Variants in TNRC6B observed in about 807,000 individuals in gnomAD.
The protein encoded by TNRC6B is trinucleotide repeat-containing gene 6B protein.
Under a neutral mutation model 203.6 loss-of-function variants are expected in TNRC6B, and 52 were observed. The ratio of observed to expected loss-of-function variants is 0.26; its 90% CI spans 0.20 to 0.32. The LOEUF (loss-of-function observed/expected upper bound fraction) is 0.32, where lower values mean the gene tolerates loss of function less well. Ranked by LOEUF, TNRC6B falls within the 10% of genes least tolerant of loss-of-function variation. The probability of loss-of-function intolerance (pLI) is 1.00; values close to 1 mark genes in which losing one functional copy is unlikely to be tolerated. For missense variants in TNRC6B, 1,923 were observed against 2,286.2 expected, an observed-to-expected ratio of 0.84 and a Z score of 3.24; for synonymous variants, 838 against 845.7, an observed-to-expected ratio of 0.99 and a Z score of 0.16.
intron 1 of TNRC6B, among the ~76,000 whole-genome samples, chr22:40,095,117 C>T (rs1345897021): frequency 6.6e-6 from 1 of 152,184 alleles, no homozygotes; most frequent in African/African-American, 2.4e-5. Context: ...AAGTTGACTA[C>T]TCATTCAGTT....
At chr22:40,309,020 G>A (rs968894229) in intron 16 of TNRC6B, among the ~76,000 whole-genome samples, 4 of 152,106 alleles carry the variant, frequency 2.6e-5, no homozygotes, top group Non-Finnish European at 4.4e-5. Context: ...TAAATTTATC[G>A]GCTTTAAAAA....
intron 3 of TNRC6B, among the ~76,000 whole-genome samples, chr22:40,141,982 G>A (rs2068648355): frequency 6.6e-6 from 1 of 151,456 alleles, no homozygotes; most frequent in Non-Finnish European, 1.5e-5. Flanking sequence ...GGATGGTCTT[G>A]ATCTCCTGAC....
intron 1 of TNRC6B, among the ~76,000 whole-genome samples, chr22:40,049,744 C>T (rs2067729929): frequency 6.6e-6 from 1 of 152,136 alleles, no homozygotes; most frequent in Admixed American, 6.5e-5. Context: ...GCTGGGATTG[C>T]AGGCGCACAC....
intron 1 of TNRC6B, among the ~76,000 whole-genome samples, chr22:40,221,625 TG>T (rs1398979191): frequency 1.3e-5 from 2 of 151,928 alleles, no homozygotes; most frequent in Admixed American, 1.3e-4. Context: ...TTTGTAGAGA[TG>T]GGGGTTCCGG....
chr22:40,188,951 C>T (rs1364438894), intron 1 of TNRC6B, among the ~76,000 whole-genome samples: 1 of 152,128 alleles, frequency 6.6e-6, no homozygotes, highest in Admixed American at 6.6e-5. Flanking sequence ...TGAGGGTTGT[C>T]TTACCATGGT....
chr22:40,117,449 T>TTTCTACAGTTCACTG lies in TNRC6B; in HGVS notation c.-47+322_-47+323insTCTACAGTTCACTGT, dbSNP rs1231099538. On this transcript the variant is annotated intron_variant, in intron 2 of 23. Coordinates refer to the TNRC6B transcript ENST00000301923. ...TCCCTGCTGCGGTCTGTAGTCCACA[T>TTTCTACAGTTCACTG]TACTGCCAGGGTTCACTTTCTGAAT... Among the ~76,000 whole-genome samples, 153 of 152,342 alleles carry TTTCTACAGTTCACTG rather than the reference T, an allele frequency of 1.0e-3. 1 individual carries two copies. The highest frequency in any genetic ancestry group is 1.5e-3 in the Non-Finnish European group (103 of 68,030).
intron 3 of TNRC6B, among the ~76,000 whole-genome samples, chr22:40,258,804 G>A (rs2070326554): frequency 6.6e-6 from 1 of 152,192 alleles, no homozygotes; most frequent in Admixed American, 6.5e-5. Context: ...CATGATACGT[G>A]ATACCTACCA....
intron 3 of TNRC6B, among the ~76,000 whole-genome samples, chr22:40,260,139 A>G (rs577092338): frequency 6.6e-5 from 10 of 152,370 alleles, no homozygotes; most frequent in Admixed American, 3.9e-4. Flanking sequence ...CAAATGATTT[A>G]AAGTAAACAG....
At chr22:40,229,519 G>C (rs1020215456) in intron 1 of TNRC6B, among the ~76,000 whole-genome samples, 1 of 151,478 alleles carries the variant, frequency 6.6e-6, no homozygotes, top group Non-Finnish European at 1.5e-5. Context: ...TTTACAATGC[G>C]GTAAGTTTCA....
Position 40,324,637 on chromosome 22 carries a change from C to T in TNRC6B, c.*1396C>T, listed in dbSNP as rs1039682413. ...TGTGCCAGGCCGTGGCGCGTTACAGCACCAGGCCATCACTGACAGAAACGT... is the reference window on the plus strand; with the variant it reads ...TGTGCCAGGCCGTGGCGCGTTACAGTACCAGGCCATCACTGACAGAAACGT... On this transcript the variant is annotated 3_prime_UTR_variant, in exon 23 of 23. Coordinates refer to ENST00000454349, the MANE Select transcript of TNRC6B (RefSeq NM_001162501.2). 1.3e-5 allele frequency: 2 copies of T among 152,686 alleles called. No homozygotes were observed. The highest frequency in any genetic ancestry group is 4.8e-5 in the African/African-American group (2 of 41,454). The allele number at this position is 152,686 out of a possible 1,614,324, so 9.5% of individuals were successfully genotyped here.
chr22:40,225,593 C>T lies in TNRC6B; in HGVS notation c.6-20422C>T, dbSNP rs1176675312. On this transcript the variant is annotated intron_variant, in intron 1 of 22. Coordinates refer to ENST00000454349, the MANE Select transcript of TNRC6B (RefSeq NM_001162501.2). Reference sequence around the variant, plus strand: ...AAAAAATTTTTAAAATAAAATAAAACTTAGCCAGGTGTGGCGGCGTGTGCC... The same window carrying T: ...AAAAAATTTTTAAAATAAAATAAAATTTAGCCAGGTGTGGCGGCGTGTGCC... Among the ~76,000 whole-genome samples the T allele has an allele frequency of 4.6e-5, 7 of 151,924 alleles. No individual in the cohort carries two copies. The East Asian group carries it at 1.4e-3, about 29-fold the overall frequency.
rs1569071113 is a variant in TNRC6B, at chr22:40,323,349, GA to G, written c.*114del. The G allele has an allele frequency of 7.3e-7, 1 of 1,377,180 alleles. No homozygotes were observed. The highest frequency in any genetic ancestry group is 9.7e-7 in the Non-Finnish European group (1 of 1,034,414). 85.3% of individuals were successfully genotyped at this position (1,377,180 alleles called of 1,614,324 possible). A position where few individuals can be genotyped will look rare whatever the true frequency, so the allele number is the denominator to read the frequency against. ...CTTGCAATAAATACATTTTTAAAAGGAAAAAAGAAAACGGAGAGAAAAAAAG... is the reference window on the plus strand; with the variant it reads ...CTTGCAATAAATACATTTTTAAAAGGAAAAAGAAAACGGAGAGAAAAAAAG... On this transcript the variant is annotated 3_prime_UTR_variant, in exon 23 of 23. Transcript: ENST00000454349.
At chr22:40,203,688 C>T (rs1039861183) in intron 1 of TNRC6B, among the ~76,000 whole-genome samples, 6 of 150,652 alleles carry the variant, frequency 4.0e-5, no homozygotes, top group Admixed American at 6.6e-5. Flanking sequence ...AGAACAGAAT[C>T]GTGTGGTGAG....
rs2070458524 is a variant in TNRC6B, at chr22:40,265,213, A to G, written c.983A>G (p.Asp328Gly). 3 of 1,614,066 alleles carry G rather than the reference A, an allele frequency of 1.9e-6. No individual in the cohort carries two copies. The highest frequency in any genetic ancestry group is 1.7e-6 in the Non-Finnish European group (2 of 1,179,902). Residue 328 changes from aspartate (D) to glycine (G), a missense_variant, in exon 5 of 23, where the codon GAT becomes GGT. Physicochemically the swap from Asp to Gly is moderately conservative, Grantham distance 94. Transcript: ENST00000454349. ...GTSRKGALET[D>G]NSNSSAQVST... The stretch of plus-strand genomic sequence containing the variant: ...TCTAGGAAAGGGGCATTGGAAACAG[A>G]TAATAGTAATTCCAGTGCACAGGTT...
At chr22:40,113,198 G>T (rs924984414) in intron 1 of TNRC6B, among the ~76,000 whole-genome samples, 19 of 152,218 alleles carry the variant, frequency 1.2e-4, no homozygotes, top group Non-Finnish European at 2.4e-4. Context: ...ATGTTTTTAG[G>T]AATGGACAGA....
intron 4 of TNRC6B, among the ~76,000 whole-genome samples, chr22:40,171,620 C>A (rs1252010046): frequency 6.6e-6 from 1 of 152,052 alleles, no homozygotes; most frequent in Non-Finnish European, 1.5e-5. Flanking sequence ...AGCTTATGGA[C>A]CCTAGGCATT....
Position 40,315,501 on chromosome 22 carries a change from G to T in TNRC6B, c.4897G>T (p.Ala1633Ser). The change falls in exon 20 of 23, where the codon GCC becomes TCC. Residue 1633 changes from alanine (A) to serine (S), a missense_variant. By Grantham distance (99) the Ala-to-Ser change is moderately conservative. Coordinates refer to ENST00000454349, the MANE Select transcript of TNRC6B (RefSeq NM_001162501.2). Reference protein sequence around the residue: ...RGWGTQDSRLASASTWSDGGS... With the variant: ...RGWGTQDSRLSSASTWSDGGS... ...GTGGGGGACACAGGACTCACGGCTC[G>T]CCTCGGGTGAGGAGGATCTGCCTAA... 1 of 1,613,934 alleles carries T rather than the reference G, an allele frequency of 6.2e-7. No homozygotes were observed. The highest frequency in any genetic ancestry group is 8.5e-7 in the Non-Finnish European group (1 of 1,179,864).
At position 40,093,798 on chromosome 22, in the gene TNRC6B, G is replaced by A. The variant is rs1297277086; in HGVS notation, c.-120-23257G>A. Reference sequence around the variant, plus strand: ...GTGAACTGTGTTGTTTAACTTCTCCGTTTCCTTCTCTACAAAATAGGATGA... The same window carrying A: ...GTGAACTGTGTTGTTTAACTTCTCCATTTCCTTCTCTACAAAATAGGATGA... On this transcript the variant is annotated intron_variant, in intron 1 of 23. Coordinates refer to the TNRC6B transcript ENST00000301923. 3.9e-5 allele frequency among the ~76,000 whole-genome samples: 6 copies of A among 152,124 alleles called. No individual in the cohort carries two copies. In the East Asian group the frequency reaches 9.6e-4, roughly 24 times the overall value.
intron 1 of TNRC6B, among the ~76,000 whole-genome samples, chr22:40,187,888 A>C (rs1354585012): frequency 6.6e-6 from 1 of 152,206 alleles, no homozygotes; most frequent in East Asian, 1.9e-4. Context: ...GCAGCTGTTA[A>C]CTAGACCATC....
Sources: allele counts gnomAD v4.1 joint callset (sites outside exome capture counted in the v4.1 genomes callset), GRCh38; gene constraint gnomAD v4.1.1; transcripts MANE v1.5; gene names NCBI Gene and HGNC (gene_info 2026-07-23, HGNC 2026-07-21).